Variants in ADGRB3 observed in about 807,000 individuals in gnomAD.
ADGRB3 encodes the protein brain-specific angiogenesis inhibitor 3.
ADGRB3 carries 37 observed loss-of-function variants against 193.4 expected under a neutral mutation model. The observed-to-expected ratio is 0.19, with a 90% CI of 0.15 to 0.25. The LOEUF (loss-of-function observed/expected upper bound fraction) is 0.25, where lower values mean the gene tolerates loss of function less well. Among genes scored for constraint, ADGRB3 ranks in the 10% least tolerant of loss-of-function variants. The pLI is 1.00. For missense variants in ADGRB3, 1,637 were observed against 1,852.9 expected (o/e 0.88, Z 2.14); for synonymous variants, 690 against 644.2 (o/e 1.07, Z -1.08).
Position 69,360,943 on chromosome 6 carries a change from G to A in ADGRB3, c.3670G>A (p.Asp1224Asn). The change falls in exon 29 of 32, where the codon GAT (aspartate) becomes AAT (asparagine). Residue 1224 changes from aspartate (D) to asparagine (N), a missense_variant. This residue lies in a region of ADGRB3 where 368 missense variants were observed against 367.4 expected (regional missense o/e 1.00). Transcript: ENST00000370598. The stretch of plus-strand genomic sequence containing the variant: ...ACTTTCTAGGATTTCTCTAAATGAT[G>A]ATGAAGAAGAAAAGGGAACAAACCC... ...GTLSRISLND[D>N]EEEKGTNPEG... The A allele has an allele frequency of 1.2e-6, 2 of 1,612,512 alleles. No homozygotes were observed. The highest frequency in any genetic ancestry group is 1.7e-6 in the Non-Finnish European group (2 of 1,179,042).
At chr6:69,170,692 A>T (rs1439973949) in intron 17 of ADGRB3, among the ~76,000 whole-genome samples, 2 of 152,212 alleles carry the variant, frequency 1.3e-5, no homozygotes, top group South Asian at 4.1e-4. Context: ...GTAAAGTCGT[A>T]TGGTATTGGA....
intron 15 of ADGRB3, among the ~76,000 whole-genome samples, chr6:69,057,807 T>G (rs895093116): frequency 6.6e-6 from 1 of 152,080 alleles, no homozygotes; most frequent in Non-Finnish European, 1.5e-5. Context: ...ATATAAACTT[T>G]TTAACATGCT....
At chr6:68,877,278 A>G (rs1283909199) in intron 3 of ADGRB3, among the ~76,000 whole-genome samples, 1 of 152,032 alleles carries the variant, frequency 6.6e-6, no homozygotes, top group African/African-American at 2.4e-5. Context: ...TCTATACCCA[A>G]CTTTAACCTT....
chr6:68,786,473 GC>G (rs1397338820), intron 3 of ADGRB3, among the ~76,000 whole-genome samples: 1 of 152,136 alleles, frequency 6.6e-6, no homozygotes, highest in Non-Finnish European at 1.5e-5. Flanking sequence ...TAGATATGCA[GC>G]GTTATTTCTG....
intron 13 of ADGRB3, among the ~76,000 whole-genome samples, chr6:69,037,712 T>C (rs1225344122): frequency 6.6e-6 from 1 of 152,126 alleles, no homozygotes; most frequent in African/African-American, 2.4e-5. Flanking sequence ...GGTGGTATCT[T>C]TCCCTATTTA....
At chr6:69,340,787 C>G (rs890758024) in intron 26 of ADGRB3, among the ~76,000 whole-genome samples, 1 of 152,124 alleles carries the variant, frequency 6.6e-6, no homozygotes, top group East Asian at 1.9e-4. Context: ...TTGACAGGAC[C>G]TGGTGTGTGT....
At chr6:68,688,589 G>C (rs1268909138) in intron 3 of ADGRB3, among the ~76,000 whole-genome samples, 2 of 152,096 alleles carry the variant, frequency 1.3e-5, no homozygotes, top group Non-Finnish European at 1.5e-5. Context: ...ATGTAACAGG[G>C]ATAACGTTTT....
chr6:68,760,410 A>G (rs1417046752), intron 3 of ADGRB3, among the ~76,000 whole-genome samples: 7 of 152,210 alleles, frequency 4.6e-5, no homozygotes, highest in Non-Finnish European at 1.0e-4. Context: ...TTAGAAATGT[A>G]TGGGAGGTTA....
intron 8 of ADGRB3, among the ~76,000 whole-genome samples, chr6:68,960,400 A>G (rs1304594867): frequency 2.6e-5 from 4 of 152,204 alleles, no homozygotes; most frequent in Non-Finnish European, 4.4e-5. Context: ...ATTCATACTA[A>G]AGGAGGGCAG....
At chr6:69,155,387 C>A (rs1339997633) in intron 17 of ADGRB3, among the ~76,000 whole-genome samples, 1 of 152,154 alleles carries the variant, frequency 6.6e-6, no homozygotes, top group Non-Finnish European at 1.5e-5. Context: ...CTAGAAAAAA[C>A]AATCCACAGT....
At chr6:69,384,871 G>C (rs1170539997) in intron 31 of ADGRB3, among the ~76,000 whole-genome samples, 1 of 151,756 alleles carries the variant, frequency 6.6e-6, no homozygotes, top group South Asian at 2.1e-4. Flanking sequence ...CACATAATTT[G>C]TAGTGGCACA....
chr6:69,108,322 T>G (rs531260422), intron 17 of ADGRB3, among the ~76,000 whole-genome samples: 1 of 151,976 alleles, frequency 6.6e-6, no homozygotes, highest in Non-Finnish European at 1.5e-5. Context: ...ATGTGTGGGA[T>G]ATGGAATCAA....
intron 20 of ADGRB3, among the ~76,000 whole-genome samples, chr6:69,264,929 T>C (rs1224420894): frequency 6.6e-6 from 1 of 151,918 alleles, no homozygotes; most frequent in Middle Eastern, 3.2e-3. Context: ...ATTGGTTTAT[T>C]CCCAAGAAAG....
chr6:68,853,181 A>G (rs553327810), intron 3 of ADGRB3, among the ~76,000 whole-genome samples: 7 of 152,208 alleles, frequency 4.6e-5, no homozygotes, highest in African/African-American at 1.4e-4. Flanking sequence ...CTTTTATGCA[A>G]TCATGACAAG....
At chr6:69,318,344 A>G (rs1219785226) in intron 20 of ADGRB3, among the ~76,000 whole-genome samples, 1 of 151,316 alleles carries the variant, frequency 6.6e-6, no homozygotes, top group South Asian at 2.1e-4. Flanking sequence ...TGACCATATG[A>G]TTTCTCTTCT....
intron 20 of ADGRB3, among the ~76,000 whole-genome samples, chr6:69,261,731 TA>T (rs1437733156): frequency 6.6e-6 from 1 of 152,036 alleles, no homozygotes; most frequent in Non-Finnish European, 1.5e-5. Flanking sequence ...ATATAGTACT[TA>T]TTTCAGTAAT....
At chr6:69,375,419 T>A (rs1429028167) in intron 30 of ADGRB3, among the ~76,000 whole-genome samples, 1 of 152,018 alleles carries the variant, frequency 6.6e-6, no homozygotes, top group Non-Finnish European at 1.5e-5. Context: ...AGAGGCAGAA[T>A]CTATGGAATT....
chr6:69,073,839 C>T (rs1178158882), intron 16 of ADGRB3, among the ~76,000 whole-genome samples: 1 of 152,126 alleles, frequency 6.6e-6, no homozygotes, highest in Non-Finnish European at 1.5e-5. Context: ...ACCCCTCTAC[C>T]ACCCTGGCCA....
At chr6:69,022,176 A>T (rs904150497) in intron 13 of ADGRB3, among the ~76,000 whole-genome samples, 2 of 151,932 alleles carry the variant, frequency 1.3e-5, no homozygotes, top group East Asian at 1.9e-4. Flanking sequence ...AAATGTATGA[A>T]TGAATGTGTA....
Sources: gnomAD v4.1 joint callset for allele counts (sites outside exome capture counted in the v4.1 genomes callset) on GRCh38, gnomAD v4.1.1 for gene constraint, gnomAD v4.1.1 regional missense constraint, MANE v1.5 for transcripts, NCBI Gene and HGNC (gene_info 2026-07-23, HGNC 2026-07-21) for gene names.